Variants in PRDM15 observed in about 807,000 individuals in gnomAD.
PRDM15 encodes the protein PR/SET domain 15.
In PRDM15, 64 loss-of-function variants were observed where a neutral mutation model predicts 128.6. The ratio of observed to expected loss-of-function variants is 0.50; its 90% CI spans 0.41 to 0.61. The LOEUF is 0.61. Ranked by LOEUF, PRDM15 falls within the 20% of genes least tolerant of loss-of-function variation. PRDM15 has a pLI of 0.00. For synonymous variants in PRDM15, 615 were observed against 621.8 expected (o/e 0.99, Z 0.16); for missense variants, 1,242 against 1,569.1 (o/e 0.79, Z 3.52).
chr21:41,839,081 G>T (rs903536756), intron 7 of PRDM15, among the ~76,000 whole-genome samples: 2 of 152,178 alleles, frequency 1.3e-5, no homozygotes, highest in South Asian at 4.1e-4. Context: ...AGGGTCAAAT[G>T]CCTCTTCAAA....
intron 1 of PRDM15, among the ~76,000 whole-genome samples, chr21:41,871,109 ACAGAGGTTTTTTACC>A (rs1158005059): frequency 6.6e-6 from 1 of 152,250 alleles, no homozygotes; most frequent in Non-Finnish European, 1.5e-5. Context: ...AGATGGGTAG[ACAGAGGTTTTTTACC>A]CAGCTTCCAA....
At chr21:41,803,074 G>T (rs2061460201) in intron 22 of PRDM15, 153 bp from the exon 23 acceptor site, 4 of 661,634 alleles carry the variant, frequency 6.0e-6, no homozygotes, top group South Asian at 5.1e-5. Context: ...ACCACAGCTG[G>T]GTCTTGTATT....
chr21:41,801,824 G>C, intron 23 of PRDM15, 102 bp from the exon 24 acceptor site: 1 of 1,274,430 alleles, frequency 7.8e-7, no homozygotes, highest in Admixed American at 2.4e-5. Flanking sequence ...AAAGAAGCAC[G>C]ACATTCTTTG....
chr21:41,810,417 C>T lies in PRDM15; in HGVS notation c.2477-88G>A. The T allele has an allele frequency of 1.4e-6, 2 of 1,447,456 alleles. No individual in the cohort carries two copies. The highest frequency in any genetic ancestry group is 1.9e-6 in the Non-Finnish European group (2 of 1,072,696). 89.7% of individuals were successfully genotyped at this position (1,447,456 alleles called of 1,614,324 possible). A position where few individuals can be genotyped will look rare whatever the true frequency, so the allele number is the denominator to read the frequency against. On this transcript the variant is annotated intron_variant, in intron 20 of 23. Coordinates refer to ENST00000398548, the MANE Select transcript of PRDM15 (RefSeq NM_001040424.3). This position sits in a 1 kb window ranked among gnomAD's most constrained non-coding sequence, Gnocchi z 6.4. ...CAGCCATCCCAATGACCCTGGCCTG[C>T]TGGACGAGGCAAGAAGCCTGTCACG...
chr21:41,861,172 T>C (rs1327052442), intron 1 of PRDM15, among the ~76,000 whole-genome samples: 1 of 152,206 alleles, frequency 6.6e-6, no homozygotes, highest in Non-Finnish European at 1.5e-5. Flanking sequence ...TCACTTTTTT[T>C]CCCCTCACTC....
At chr21:41,830,351 TAC>T (rs1405963057) in intron 11 of PRDM15, among the ~76,000 whole-genome samples, 27 of 145,282 alleles carry the variant, frequency 1.9e-4, no homozygotes, top group African/African-American at 6.0e-4. Context: ...CACACACAAA[TAC>T]ACACACAACA....
rs778884493 is a variant in PRDM15 at position 41,862,051 on chromosome 21, G to T, written c.-9-1679C>A. The T allele has an allele frequency of 1.4e-6, 2 of 1,426,714 alleles. No individual in the cohort carries two copies. The highest frequency in any genetic ancestry group is 1.2e-5 in the South Asian group (1 of 84,890). The allele number at this position is 1,426,714 out of a possible 1,614,324, so 88.4% of individuals were successfully genotyped here. A position where few individuals can be genotyped will look rare whatever the true frequency, so the allele number is the denominator to read the frequency against. On this transcript the variant is annotated intron_variant, in intron 1 of 23. Transcript: ENST00000398548. The surrounding 1 kb of genome is among the most constrained non-coding windows in gnomAD (Gnocchi z 4.1). ...GCGCAAATAGGGACCAGTCTGGGAT[G>T]GGGGCTCAGCTGGGCAGTGAGCAGG...
chr21:41,879,119 G>A lies in PRDM15; in HGVS notation c.-10+151C>T. 1 of 1,058,048 alleles carries A rather than the reference G, an allele frequency of 9.5e-7. No homozygotes were observed. The highest frequency in any genetic ancestry group is 1.2e-6 in the Non-Finnish European group (1 of 861,160). The allele number at this position is 1,058,048 out of a possible 1,614,324, so 65.5% of individuals were successfully genotyped here. A position where few individuals can be genotyped will look rare whatever the true frequency, so the allele number is the denominator to read the frequency against. On this transcript the variant is annotated intron_variant, in intron 1 of 23. Transcript: ENST00000398548. This position sits in a 1 kb window ranked among gnomAD's most constrained non-coding sequence, Gnocchi z 5.1. ...GTAACAAAGAACAGTCGGCATGGCG[G>A]CTGGACCGGGGCGGCGCGCGGCTGC...
chr21:41,821,318 C>A lies in PRDM15; in HGVS notation c.1897-88G>T. 2 of 1,472,804 alleles carry A rather than the reference C, an allele frequency of 1.4e-6. No homozygotes were observed. Among genetic ancestry groups the A allele is most frequent in the Non-Finnish European group, 9.3e-7 (1 of 1,073,270 alleles). 91.2% of individuals were successfully genotyped at this position (1,472,804 alleles called of 1,614,324 possible). The stretch of plus-strand genomic sequence containing the variant: ...ATGAGGTCGTGTCCACAAACCAGGG[C>A]ACCCGACACGCCCTGAGAGCCCATG... On this transcript the variant is annotated intron_variant, in intron 15 of 23. Coordinates refer to ENST00000398548, the MANE Select transcript of PRDM15 (RefSeq NM_001040424.3). The surrounding 1 kb of genome is among the most constrained non-coding windows in gnomAD (Gnocchi z 5.4).
chr21:41,821,788 G>A lies in PRDM15; in HGVS notation c.1896+115C>T. ...AGGACCACTGGCCGGAGCCTTTGGG[G>A]AGGGAGGGCTGCTTCCGAGATGCAT... On this transcript the variant is annotated intron_variant, in intron 15 of 23. Coordinates refer to ENST00000398548, the MANE Select transcript of PRDM15 (RefSeq NM_001040424.3). This position sits in a 1 kb window ranked among gnomAD's most constrained non-coding sequence, Gnocchi z 5.4. 1 of 1,312,416 alleles carries A rather than the reference G, an allele frequency of 7.6e-7. No individual in the cohort carries two copies. The allele number at this position is 1,312,416 out of a possible 1,614,324, so 81.3% of individuals were successfully genotyped here. A position where few individuals can be genotyped will look rare whatever the true frequency, so the allele number is the denominator to read the frequency against.
rs112819955 is a variant in PRDM15, at chr21:41,828,063, C to T, written c.1534+103G>A. 34 of 1,256,082 alleles carry T rather than the reference C, an allele frequency of 2.7e-5. 1 individual carries two copies. The East Asian group carries it at 3.3e-4, about 12-fold the overall frequency. The allele number at this position is 1,256,082 out of a possible 1,614,324, so 77.8% of individuals were successfully genotyped here. A position where few individuals can be genotyped will look rare whatever the true frequency, so the allele number is the denominator to read the frequency against. On this transcript the variant is annotated intron_variant, in intron 12 of 23. Coordinates refer to ENST00000398548, the MANE Select transcript of PRDM15 (RefSeq NM_001040424.3). The surrounding 1 kb of genome is among the most constrained non-coding windows in gnomAD (Gnocchi z 5.7). ...TTTCCAGGCAAAGGAGCAGGCGGCA[C>T]CGAACTGCTCCCCAAAGGCCCTGCT...
intron 1 of PRDM15, among the ~76,000 whole-genome samples, chr21:41,875,245 C>T (rs2146055794): frequency 6.6e-6 from 1 of 152,386 alleles, no homozygotes; most frequent in East Asian, 1.9e-4. Flanking sequence ...AAGCTGGCTA[C>T]CTAGACCTCC....
At chr21:41,867,569 C>T (rs1265721288) in intron 1 of PRDM15, among the ~76,000 whole-genome samples, 1 of 152,202 alleles carries the variant, frequency 6.6e-6, no homozygotes, top group African/African-American at 2.4e-5. Flanking sequence ...GCAGCCTCCG[C>T]ATAGCTGGGA....
At chr21:41,833,912 C>T (rs899440278) in intron 11 of PRDM15, among the ~76,000 whole-genome samples, 3 of 152,192 alleles carry the variant, frequency 2.0e-5, no homozygotes, top group African/African-American at 7.2e-5. Flanking sequence ...TTGGGAACCC[C>T]GAAACCCTCG....
At chr21:41,874,119 C>G (rs1229982455) in intron 1 of PRDM15, among the ~76,000 whole-genome samples, 1 of 149,096 alleles carries the variant, frequency 6.7e-6, no homozygotes, top group African/African-American at 2.5e-5. Context: ...CTCTACCACA[C>G]TGATGGCTGC....
At chr21:41,849,285 C>T (rs1305370128) in intron 5 of PRDM15, among the ~76,000 whole-genome samples, 1 of 152,224 alleles carries the variant, frequency 6.6e-6, no homozygotes, top group East Asian at 1.9e-4. Flanking sequence ...AGTCTCTAAA[C>T]TGGCGGGAAC....
chr21:41,836,435 G>A, intron 9 of PRDM15, 33 bp downstream of exon 9: 2 of 1,587,550 alleles, frequency 1.3e-6, no homozygotes, highest in East Asian at 4.5e-5. Context: ...CCTGGCCCTG[G>A]CCCCGGGCGC....
intron 1 of PRDM15, among the ~76,000 whole-genome samples, chr21:41,874,525 A>ATATATATTTTTTTTTT: frequency 1.0e-4 from 10 of 95,812 alleles, no homozygotes; most frequent in Non-Finnish European, 1.4e-4. Context: ...ATATATATAT[A>ATATATATTTTTTTTTT]TTTTTTTTTT....
intron 11 of PRDM15, chr21:41,834,542 C>T (rs1246721953): frequency 1.3e-6 from 2 of 1,550,190 alleles, no homozygotes; most frequent in Non-Finnish European, 1.7e-6. Context: ...CGGGCCCCCC[C>T]TCTCCAGGGT....
Sources: allele counts gnomAD v4.1 joint callset (sites outside exome capture counted in the v4.1 genomes callset), GRCh38; gene constraint gnomAD v4.1.1; non-coding constraint Gnocchi (gnomAD v3.1); transcripts MANE v1.5; gene names NCBI Gene and HGNC (gene_info 2026-07-23, HGNC 2026-07-21).